Variants in ABCC8 observed in about 807,000 individuals in gnomAD.
ABCC8 encodes the protein ATP-binding cassette sub-family C member 8.
Under a neutral mutation model 188.0 loss-of-function variants are expected in ABCC8, and 137 were observed. That is an observed-to-expected ratio of 0.73 (90% CI 0.63 to 0.84). ABCC8 has a LOEUF of 0.84. Ranked by LOEUF, ABCC8 falls within the 40% of genes least tolerant of loss-of-function variation. The probability of loss-of-function intolerance (pLI) is 0.00; values close to 1 mark genes in which losing one functional copy is unlikely to be tolerated. For missense variants in ABCC8, 1,750 were observed against 2,072.7 expected (o/e 0.84, Z 3.02); for synonymous variants, 797 against 846.5 (o/e 0.94, Z 1.01).
At position 17,443,217 on chromosome 11, in the gene ABCC8, G is replaced by A. The variant is rs867541142; in HGVS notation, c.1428C>T (p.Phe476=). The change falls in exon 9 of 39, where the codon TTC becomes TTT. Residue 476 remains phenylalanine, a synonymous_variant. Coordinates refer to ENST00000389817, the MANE Select transcript of ABCC8 (RefSeq NM_000352.6). ...VIILLAPVQY[F]VATKLSQAQR... The stretch of plus-strand genomic sequence containing the variant: ...GGGCCTGAGACAGCTTGGTGGCCAC[G>A]AAGTACTGGACAGGAGCCAGTAGAA... The A allele has an allele frequency of 2.5e-6, 4 of 1,614,152 alleles. No homozygotes were observed. The highest frequency in any genetic ancestry group is 3.4e-6 in the Non-Finnish European group (4 of 1,180,026).
rs1343747964 is a variant in ABCC8 at position 17,461,839 on chromosome 11, G to A, written c.580-14C>T. 2.5e-6 allele frequency: 4 copies of A among 1,613,608 alleles called. No individual in the cohort carries two copies. The highest frequency in any genetic ancestry group is 3.4e-6 in the Non-Finnish European group (4 of 1,180,012). On this transcript the variant is annotated splice_polypyrimidine_tract_variant and intron_variant, in intron 4 of 38. Transcript: ENST00000389817. ...GAAGATGTATCTCTGTGGGGCACAT[G>A]GGCCATGGGGGATGGGTAAGTCCAA...
chr11:17,455,937 CAAAA>C (rs796687753), intron 6 of ABCC8, among the ~76,000 whole-genome samples: 3 of 62,738 alleles, frequency 4.8e-5, no homozygotes, highest in African/African-American at 9.0e-5. Context: ...AGGCTCCATC[CAAAA>C]AAAAAAAAAA....
intron 8 of ABCC8, among the ~76,000 whole-genome samples, chr11:17,445,871 T>C (rs1007996151): frequency 3.3e-5 from 5 of 152,080 alleles, no homozygotes; most frequent in African/African-American, 1.2e-4. Flanking sequence ...CTGTTAATAT[T>C]AGTTAGCACT....
At chr11:17,450,976 T>C (rs1369907495) in intron 7 of ABCC8, among the ~76,000 whole-genome samples, 4 of 152,082 alleles carry the variant, frequency 2.6e-5, no homozygotes, top group Admixed American at 1.3e-4. Flanking sequence ...CATGAGCCAT[T>C]GCGCTCCACC....
intron 17 of ABCC8, among the ~76,000 whole-genome samples, chr11:17,416,559 C>T (rs1955083941): frequency 6.6e-6 from 1 of 152,146 alleles, no homozygotes; most frequent in Admixed American, 6.5e-5. Flanking sequence ...AATTCCAAAA[C>T]ATTTTTATCT....
rs145437106 is a variant in ABCC8 at position 17,394,537 on chromosome 11, G to A, written c.4412-138C>T. 77 of 1,466,928 alleles carry A rather than the reference G, an allele frequency of 5.2e-5. No individual in the cohort carries two copies. The East Asian group carries it at 1.2e-3, about 23-fold the overall frequency. 90.9% of individuals were successfully genotyped at this position (1,466,928 alleles called of 1,614,324 possible). A position where few individuals can be genotyped will look rare whatever the true frequency, so the allele number is the denominator to read the frequency against. ...TGGGTGTGTGTCCAAGAGCACAGGC[G>A]TGTGCAGGGCTGGTGCACCTGACAC... On this transcript the variant is annotated intron_variant, in intron 36 of 38. Transcript: ENST00000389817.
chr11:17,455,004 C>T (rs112271652), intron 6 of ABCC8, among the ~76,000 whole-genome samples: 265 of 152,272 alleles, frequency 1.7e-3, no homozygotes, highest in African/African-American at 6.0e-3. Flanking sequence ...GTCCCACTGT[C>T]CTCTGCAGAG....
rs750619309 is a variant in ABCC8, at chr11:17,430,915, C to T, written c.1716G>A (p.Ser572=). ...AGAGGGAGGCAAAGGCCACGGAGGGCGAGAAGTCGGCCTCTTTGAAGAAGC... is the reference window on the plus strand; with the variant it reads ...AGAGGGAGGCAAAGGCCACGGAGGGTGAGAAGTCGGCCTCTTTGAAGAAGC... ...HVSFFKEADF[S]PSVAFASLSL... is the part of the protein sequence containing the mutation. The change falls in exon 12 of 39, where the codon TCG becomes TCA. Residue 572 remains serine, a synonymous_variant. Coordinates refer to ENST00000389817, the MANE Select transcript of ABCC8 (RefSeq NM_000352.6). 1.5e-5 allele frequency: 25 copies of T among 1,614,054 alleles called. No homozygotes were observed. The highest frequency in any genetic ancestry group is 1.6e-4 in the Middle Eastern group (1 of 6,080).
chr11:17,405,422 T>C, intron 27 of ABCC8, 72 bp downstream of exon 27: 1 of 1,607,346 alleles, frequency 6.2e-7, no homozygotes, highest in Non-Finnish European at 8.5e-7. Context: ...GAACCCAGCC[T>C]CAGACAGGAG....
At chr11:17,425,354 G>T (rs1487342871) in intron 16 of ABCC8, among the ~76,000 whole-genome samples, 1 of 152,172 alleles carries the variant, frequency 6.6e-6, no homozygotes, top group Non-Finnish European at 1.5e-5. Context: ...GGAAACGGGG[G>T]TGCATGTTGA....
chr11:17,443,269 C>G lies in ABCC8; in HGVS notation c.1376G>C (p.Ser459Thr), dbSNP rs1232240407. 1 of 1,614,152 alleles carries G rather than the reference C, an allele frequency of 6.2e-7. No individual in the cohort carries two copies. Among genetic ancestry groups the G allele is most frequent in the African/African-American group, 1.3e-5 (1 of 75,022 alleles). ...GATGACAGCTGCTCCAATTAAGGCA[C>G]TGACTCCGAGTATGTAGTAGAGGAG... ...VILLYYILGV[S>T]ALIGAAVIIL... Residue 459 changes from serine (S) to threonine (T), a missense_variant, in exon 9 of 39, where the codon AGT becomes ACT. Transcript: ENST00000389817.
rs145874746 is a variant in ABCC8 at position 17,402,708 on chromosome 11, T to A, written c.3603A>T (p.Ser1201=). The A allele has an allele frequency of 6.2e-7, 1 of 1,614,106 alleles. No individual in the cohort carries two copies. Among genetic ancestry groups the A allele is most frequent in the Non-Finnish European group, 8.5e-7 (1 of 1,180,014 alleles). ...GTCCTTCTACGGTTTCGGCAAAGTG[T>A]GAGAGAAGTGGAAGCTGGGTGGTGT... ...LDDTTQLPLL[S]HFAETVEGLT... The change falls in exon 29 of 39, where the codon TCA becomes TCT. Residue 1201 remains serine (S), a synonymous_variant. Coordinates refer to ENST00000389817, the MANE Select transcript of ABCC8 (RefSeq NM_000352.6).
At position 17,404,303 on chromosome 11, in the gene ABCC8, T is replaced by C. The variant is rs184946245; in HGVS notation, c.3557+209A>G. ...ATATCGCCCAAGGAAATAATTCAGA[T>C]GTCAACCTCAGTGTGTGCGTGTGTT... is the stretch of plus-strand genomic sequence containing the variant. On this transcript the variant is annotated intron_variant, in intron 28 of 38. Transcript: ENST00000389817. The surrounding 1 kb of genome is among the most constrained non-coding windows in gnomAD (Gnocchi z 4.7). Among the ~76,000 whole-genome samples, 775 of 152,324 alleles carry C rather than the reference T, an allele frequency of 5.1e-3. 1 individual carries two copies. Among genetic ancestry groups the C allele is most frequent in the Middle Eastern group, 0.024 (7 of 294 alleles).
rs776264011 is a variant in ABCC8 at position 17,410,530 on chromosome 11, G to T, written c.2680C>A (p.Pro894Thr). 3 of 1,614,062 alleles carry T rather than the reference G, an allele frequency of 1.9e-6. No homozygotes were observed. The highest frequency in any genetic ancestry group is 2.7e-5 in the African/African-American group (2 of 74,930). Residue 894 changes from proline to threonine, a missense_variant, in exon 22 of 39, where the codon CCC (proline) becomes ACC (threonine). Physicochemically the swap from Pro to Thr is conservative, Grantham distance 38. Coordinates refer to ENST00000389817, the MANE Select transcript of ABCC8 (RefSeq NM_000352.6). Reference sequence around the variant, plus strand: ...TTCCCCCTCACCCAGTCTGCATGGGGCAGGTACTGTAGCTTGTGGGTCACT... The same window carrying T: ...TTCCCCCTCACCCAGTCTGCATGGGTCAGGTACTGTAGCTTGTGGGTCACT... The part of the protein sequence containing the change: ...VLVTHKLQYL[P>T]HADWIIAMKD...
intron 22 of ABCC8, among the ~76,000 whole-genome samples, chr11:17,409,807 GA>G (rs1225844080): frequency 3.9e-5 from 6 of 152,198 alleles, no homozygotes; most frequent in African/African-American, 1.4e-4. Context: ...ACCTACTGAA[GA>G]GTATGGAAAT....
intron 16 of ABCC8, among the ~76,000 whole-genome samples, chr11:17,418,685 C>T (rs553397597): frequency 6.6e-6 from 1 of 152,118 alleles, no homozygotes; most frequent in African/African-American, 2.4e-5. Context: ...GCTCTCCAGG[C>T]CCTAACTCAG....
chr11:17,454,480 G>T (rs569803745), intron 6 of ABCC8, among the ~76,000 whole-genome samples: 4 of 152,128 alleles, frequency 2.6e-5, no homozygotes, highest in Non-Finnish European at 5.9e-5. Context: ...AGGCCCTACC[G>T]AGGCTCTCTG....
intron 21 of ABCC8, 26 bp from the exon 22 acceptor site, chr11:17,410,679 T>C: frequency 6.2e-7 from 1 of 1,612,888 alleles, no homozygotes; most frequent in South Asian, 1.1e-5. Context: ...AGGAAGAGAG[T>C]AGAGGGTAGG....
rs189118213 is a variant in ABCC8, at chr11:17,463,859, T to C, written c.413-255A>G. Among the ~76,000 whole-genome samples the C allele has an allele frequency of 2.7e-3, 406 of 152,300 alleles. 1 individual carries two copies. Among genetic ancestry groups the C allele is most frequent in the Non-Finnish European group, 4.9e-3 (330 of 68,022 alleles). On this transcript the variant is annotated intron_variant, in intron 3 of 38. Transcript: ENST00000389817. ...TGGTCAGACAAATGTCCCTTAAAAATAAATGATCATGGGAAGAATGGGAAA... is the reference window on the plus strand; with the variant it reads ...TGGTCAGACAAATGTCCCTTAAAAACAAATGATCATGGGAAGAATGGGAAA...
Sources: allele counts gnomAD v4.1 joint callset (sites outside exome capture counted in the v4.1 genomes callset), GRCh38; gene constraint gnomAD v4.1.1; non-coding constraint Gnocchi (gnomAD v3.1); transcripts MANE v1.5; gene names NCBI Gene and HGNC (gene_info 2026-07-23, HGNC 2026-07-21).